The following ROCK1 variants were observed in gnomAD, a reference collection of about 807,000 sequenced individuals.
ROCK1 encodes the protein rho-associated protein kinase 1.
Under a neutral mutation model 196.8 loss-of-function variants are expected in ROCK1, and 36 were observed. The observed-to-expected ratio is 0.18, with a 90% CI of 0.14 to 0.24. The LOEUF (loss-of-function observed/expected upper bound fraction) is 0.24. ROCK1 is among the 10% of genes least tolerant of loss of function. The probability of loss-of-function intolerance (pLI) is 1.00; values close to 1 mark genes in which losing one functional copy is unlikely to be tolerated. For synonymous variants in ROCK1, 443 were observed against 515.9 expected (o/e 0.86, Z 1.91); for missense variants, 920 against 1,562.0 (o/e 0.59, Z 6.93).
At chr18:21,048,429 CTAAAAG>C (rs2036178811) in intron 4 of ROCK1, among the ~76,000 whole-genome samples, 1 of 152,064 alleles carries the variant, frequency 6.6e-6, no homozygotes, top group African/African-American at 2.4e-5. Flanking sequence ...TCAATATTAA[CTAAAAG>C]TATCTATTTA....
At chr18:20,981,470 G>C (rs961426522) in intron 21 of ROCK1, among the ~76,000 whole-genome samples, 1 of 152,120 alleles carries the variant, frequency 6.6e-6, no homozygotes, top group Admixed American at 6.5e-5. Context: ...GCTTATTTCA[G>C]AACAATGGCT....
intron 1 of ROCK1, among the ~76,000 whole-genome samples, chr18:21,091,446 T>C (rs2036569397): frequency 6.6e-6 from 1 of 151,004 alleles, no homozygotes; most frequent in African/African-American, 2.4e-5. Flanking sequence ...CTACTAAAAA[T>C]ACAAAAATGA....
chr18:21,100,633 T>C (rs1318196032), intron 1 of ROCK1, among the ~76,000 whole-genome samples: 2 of 151,582 alleles, frequency 1.3e-5, no homozygotes, highest in Non-Finnish European at 2.9e-5. Context: ...TAAATGTTGG[T>C]TATGTCTTGT....
chr18:21,025,448 A>AG (rs1254432074), intron 10 of ROCK1, among the ~76,000 whole-genome samples: 2 of 152,240 alleles, frequency 1.3e-5, no homozygotes, highest in African/African-American at 4.8e-5. Flanking sequence ...GGCCAGGTGC[A>AG]GTGGCTCACA....
At chr18:21,095,786 A>G (rs1161355985) in intron 1 of ROCK1, among the ~76,000 whole-genome samples, 1 of 152,096 alleles carries the variant, frequency 6.6e-6, no homozygotes, top group Non-Finnish European at 1.5e-5. Context: ...TGATAGCACA[A>G]CAGGCTAACT....
intron 16 of ROCK1, among the ~76,000 whole-genome samples, chr18:20,994,654 A>G (rs1408616999): frequency 6.6e-5 from 10 of 152,250 alleles, no homozygotes; most frequent in Non-Finnish European, 1.5e-4. Flanking sequence ...GAAGCAGCTT[A>G]CTGCAAACCA....
chr18:21,075,227 C>T (rs1366395461), intron 1 of ROCK1, among the ~76,000 whole-genome samples: 2 of 151,918 alleles, frequency 1.3e-5, no homozygotes, highest in Non-Finnish European at 2.9e-5. Context: ...TAGGAGGATA[C>T]TGTGGTAATA....
At chr18:21,006,138 C>T (rs1466589831) in intron 16 of ROCK1, among the ~76,000 whole-genome samples, 1 of 152,116 alleles carries the variant, frequency 6.6e-6, no homozygotes, top group Non-Finnish European at 1.5e-5. Context: ...GAAAATCTGA[C>T]ACACACAACA....
At chr18:20,995,434 TAGTGATATATATC>T (rs2035662596) in intron 16 of ROCK1, among the ~76,000 whole-genome samples, 1 of 152,082 alleles carries the variant, frequency 6.6e-6, no homozygotes, top group Non-Finnish European at 1.5e-5. Flanking sequence ...ACAATCAGCT[TAGTGATATATATC>T]AGCTTGGCCA....
rs1254496558 is a variant in ROCK1 at position 21,111,160 on chromosome 18, G to C, written c.-250C>G. On this transcript the variant is annotated 5_prime_UTR_variant, in exon 1 of 33. Coordinates refer to ENST00000399799, the MANE Select transcript of ROCK1 (RefSeq NM_005406.3). The surrounding 1 kb of genome is among the most constrained non-coding windows in gnomAD (Gnocchi z 4.2). ...CGCATCCCACCCGGCAGCCCCTCAC[G>C]ACAGCCGACAGCGCCGTCGCCACCA... 1 of 556,810 alleles carries C rather than the reference G, an allele frequency of 1.8e-6. No homozygotes were observed. Among genetic ancestry groups the C allele is most frequent in the Non-Finnish European group, 3.2e-6 (1 of 316,532 alleles). The allele number at this position is 556,810 out of a possible 1,614,324, so 34.5% of individuals were successfully genotyped here. A position where few individuals can be genotyped will look rare whatever the true frequency, so the allele number is the denominator to read the frequency against.
chr18:20,959,103 T>A (rs1363151017), intron 29 of ROCK1, among the ~76,000 whole-genome samples: 574 of 17,496 alleles, frequency 0.033, 50 homozygotes, highest in African/African-American at 0.098. Flanking sequence ...AATATATATA[T>A]TATATATATA....
chr18:21,045,899 GTTTTTTTTTTTTT>G (rs34360056), intron 4 of ROCK1, among the ~76,000 whole-genome samples: 29 of 62,498 alleles, frequency 4.6e-4, no homozygotes, highest in Admixed American at 1.9e-3. Context: ...AGTTTCAGCT[GTTTTTTTTTTTTT>G]TTTTTTTTTT....
At chr18:20,959,120 A>ATATTTTATATAAT (rs1568367465) in intron 29 of ROCK1, among the ~76,000 whole-genome samples, 7 of 53,312 alleles carry the variant, frequency 1.3e-4, no homozygotes, top group Non-Finnish European at 1.7e-4. Flanking sequence ...TATATTATAT[A>ATATTTTATATAAT]ATATATATAT....
intron 2 of ROCK1, among the ~76,000 whole-genome samples, chr18:21,062,089 T>C (rs1192981267): frequency 6.6e-6 from 1 of 152,124 alleles, no homozygotes; most frequent in Non-Finnish European, 1.5e-5. Context: ...CTATGGCAGC[T>C]GAGAGGGCCT....
At chr18:21,053,269 T>C (rs1358236892) in intron 2 of ROCK1, among the ~76,000 whole-genome samples, 1 of 151,880 alleles carries the variant, frequency 6.6e-6, no homozygotes, top group African/African-American at 2.4e-5. Flanking sequence ...TTACATAACA[T>C]TGCAGCCTCT....
At chr18:21,020,108 TATATAAAACTTTTA>T in intron 12 of ROCK1, 29 bp downstream of exon 12, 1 of 1,139,704 alleles carries the variant, frequency 8.8e-7, no homozygotes, top group Non-Finnish European at 1.3e-6. Flanking sequence ...AAGTATTTGG[TATATAAAACTTTTA>T]ATATGAAAAA....
chr18:20,985,629 A>G (rs913022728), intron 19 of ROCK1, among the ~76,000 whole-genome samples: 3 of 152,134 alleles, frequency 2.0e-5, no homozygotes, highest in African/African-American at 7.2e-5. Flanking sequence ...GACCATACCT[A>G]TATCTTATTC....
chr18:21,090,566 T>C (rs2036561077), intron 1 of ROCK1, among the ~76,000 whole-genome samples: 1 of 152,246 alleles, frequency 6.6e-6, no homozygotes, highest in African/African-American at 2.4e-5. Context: ...AGAATATCTA[T>C]ATTTTCATAC....
intron 12 of ROCK1, among the ~76,000 whole-genome samples, chr18:21,019,563 G>A (rs1278283550): frequency 6.6e-6 from 1 of 151,996 alleles, no homozygotes; most frequent in Non-Finnish European, 1.5e-5. Flanking sequence ...GGAGGCCGAG[G>A]CGGGCAGATC....
Sources: allele counts gnomAD v4.1 joint callset (sites outside exome capture counted in the v4.1 genomes callset), GRCh38; gene constraint gnomAD v4.1.1; non-coding constraint Gnocchi (gnomAD v3.1); transcripts MANE v1.5; gene names NCBI Gene and HGNC (gene_info 2026-07-23, HGNC 2026-07-21).